PCNX3: variants seen among roughly 807,000 people sequenced by gnomAD.
The protein encoded by PCNX3 is pecanex-like protein 3.
PCNX3 carries 58 observed loss-of-function variants against 207.2 expected under a neutral mutation model. The observed-to-expected ratio is 0.28, with a 90% CI of 0.23 to 0.35. The LOEUF is 0.35. PCNX3 is among the 10% of genes least tolerant of loss of function. PCNX3 has a pLI of 1.00. For missense variants in PCNX3, 2,410 were observed against 2,774.4 expected (o/e 0.87, Z 2.95); for synonymous variants, 1,337 against 1,183.5 (o/e 1.13, Z -2.66).
chr11:65,636,776 ACCTCAGCCTCAG>A lies in PCNX3; in HGVS notation c.5924_5935del (p.Leu1975_Ser1978del), dbSNP rs142310983. On this transcript the variant is annotated inframe_deletion, in exon 35 of 35. Transcript: ENST00000355703. ...TCCCCCCTCCCCCAGGCGCCTCTAG[ACCTCAGCCTCAG>A]CCTCAGCCTCAGCCTCAGCCCCGAT... is the stretch of plus-strand genomic sequence containing the variant. 3.2e-3 allele frequency: 4,902 copies of A among 1,545,426 alleles called. 167 individuals are homozygous for A. The African/African-American group carries it at 0.059, about 19-fold the overall frequency.
chr11:65,619,447 A>G (rs1854952182), intron 6 of PCNX3, 90 bp from the exon 7 acceptor site: 1 of 1,534,214 alleles, frequency 6.5e-7, no homozygotes, highest in African/African-American at 1.4e-5. Flanking sequence ...CTAGGCCTTT[A>G]GCTCCCTGGC....
chr11:65,630,326 C>G, intron 26 of PCNX3, 25 bp from the exon 27 acceptor site: 1 of 1,609,582 alleles, frequency 6.2e-7, no homozygotes. Flanking sequence ...CTAGCAGCCC[C>G]TGACTGCACA....
At position 65,625,865 on chromosome 11, in the gene PCNX3, G is replaced by C. The variant is rs774474798; in HGVS notation, c.3229-39G>C. On this transcript the variant is annotated intron_variant, in intron 19 of 34. Coordinates refer to ENST00000355703, the MANE Select transcript of PCNX3 (RefSeq NM_032223.4). This position sits in a 1 kb window ranked among gnomAD's most constrained non-coding sequence, Gnocchi z 5.6. ...GTGGCCCTCTGTGGTCCCTTGGCCT[G>C]CTCCCATCAGCTGAGTCTCTGGCCT... 2 of 1,603,928 alleles carry C rather than the reference G, an allele frequency of 1.2e-6. No individual in the cohort carries two copies. Among genetic ancestry groups the C allele is most frequent in the African/African-American group, 1.3e-5 (1 of 74,822 alleles).
Position 65,618,220 on chromosome 11 carries a change from C to A in PCNX3, c.858C>A (p.Gly286=). The A allele has an allele frequency of 6.2e-7, 1 of 1,605,566 alleles. No individual in the cohort carries two copies. The highest frequency in any genetic ancestry group is 8.5e-7 in the Non-Finnish European group (1 of 1,175,886). Residue 286 remains glycine (G), a synonymous_variant, in exon 6 of 35, where the codon GGC becomes GGA. Coordinates refer to ENST00000355703, the MANE Select transcript of PCNX3 (RefSeq NM_032223.4). ...AGGYQPLDRR[G]SGEPTPQKAG... ...GCTATCAGCCCCTTGACCGGCGGGG[C>A]TCAGGGGAGCCCACGCCCCAGAAAG...
In PCNX3 at chr11:65,626,092, G is replaced by A. The variant is rs749929522; in HGVS notation, c.3379+38G>A. The A allele has an allele frequency of 4.5e-6, 7 of 1,561,188 alleles. 1 individual carries two copies. In the South Asian group the frequency reaches 8.2e-5, roughly 18 times the overall value. ...CCCTGATGGCCAGGCCTGGGCAGTG[G>A]CTCGGGCTGCAGCCTGGCTGGTGGG... On this transcript the variant is annotated intron_variant, in intron 20 of 34. Transcript: ENST00000355703.
intron 12 of PCNX3, 80 bp downstream of exon 12, chr11:65,623,724 G>C (rs908748786): frequency 6.4e-7 from 1 of 1,562,834 alleles, no homozygotes; most frequent in Non-Finnish European, 8.7e-7. Context: ...GTTTTAAGGA[G>C]TATAAGCTGA....
chr11:65,620,697 C>T, intron 9 of PCNX3, 134 bp from the exon 10 acceptor site: 1 of 1,261,318 alleles, frequency 7.9e-7, no homozygotes, highest in African/African-American at 1.5e-5. Flanking sequence ...CCACCTGACC[C>T]CAGCACTTGT....
At chr11:65,616,652 C>T (rs1045624422) in intron 1 of PCNX3, among the ~76,000 whole-genome samples, 172 bp from the exon 2 acceptor site, 2 of 152,218 alleles carry the variant, frequency 1.3e-5, no homozygotes, top group Non-Finnish European at 2.9e-5. Flanking sequence ...CACTTAATCT[C>T]ATCCAGCTAA....
chr11:65,630,296 C>T, intron 26 of PCNX3, 55 bp from the exon 27 acceptor site: 1 of 1,576,000 alleles, frequency 6.3e-7, no homozygotes, highest in African/African-American at 1.3e-5. Flanking sequence ...TCTCCCAGGA[C>T]AGGGCAGGTA....
intron 8 of PCNX3, 109 bp downstream of exon 8, chr11:65,620,041 T>C (rs1855001617): frequency 8.4e-7 from 1 of 1,186,404 alleles, no homozygotes; most frequent in African/African-American, 1.5e-5. Flanking sequence ...ACACTGCTAA[T>C]GCTGCCAGAC....
Position 65,634,210 on chromosome 11 carries a change from C to T in PCNX3, c.4555C>T (p.Arg1519Trp), listed in dbSNP as rs1349214341. Reference protein sequence around the residue: ...EGITAALRPVRVPGYADSDPT... With the variant: ...EGITAALRPVWVPGYADSDPT... ...CATCACGGCAGCCCTGAGGCCTGTGCGGGTGCCCGGCTATGCCGACTCGGA... is the reference window on the plus strand; with the variant it reads ...CATCACGGCAGCCCTGAGGCCTGTGTGGGTGCCCGGCTATGCCGACTCGGA... The change falls in exon 28 of 35, where the codon CGG (arginine) becomes TGG (tryptophan). Residue 1519 changes from arginine to tryptophan, a missense_variant. By Grantham distance (101) the Arg-to-Trp change is moderately radical. Transcript: ENST00000355703. 1.1e-5 allele frequency: 17 copies of T among 1,613,198 alleles called. No individual in the cohort carries two copies. In the African/African-American group the frequency reaches 1.2e-4, roughly 11 times the overall value.
At chr11:65,634,790 C>G (rs1289142326) in intron 29 of PCNX3, 149 bp downstream of exon 29, 4 of 1,194,360 alleles carry the variant, frequency 3.3e-6, no homozygotes, top group Non-Finnish European at 4.6e-6. Flanking sequence ...AGGGCACTTC[C>G]TGGTCATGAC....
In PCNX3 at chr11:65,625,030, G is replaced by A. The variant is rs755753717; in HGVS notation, c.2919+14G>A. ...GGGGCCATCAAGGTAGGGGTGGCTT[G>A]CGAGGTGGGGGCATGCTGCAGTGCG... On this transcript the variant is annotated intron_variant, in intron 16 of 34. Transcript: ENST00000355703. The surrounding 1 kb of genome is among the most constrained non-coding windows in gnomAD (Gnocchi z 5.6). The A allele has an allele frequency of 1.9e-6, 3 of 1,608,646 alleles. No individual in the cohort carries two copies. Among genetic ancestry groups the A allele is most frequent in the Middle Eastern group, 1.6e-4 (1 of 6,080 alleles).
rs972778011 is a variant in PCNX3, at chr11:65,630,023, G to T, written c.4216+288G>T. On this transcript the variant is annotated intron_variant, in intron 26 of 34. Transcript: ENST00000355703. ...AGGTCTGAGTTCTCACACCCAGCCT[G>T]CTCTGTGGTCTCAGGCTTGGCCCAT... Among the ~76,000 whole-genome samples the T allele has an allele frequency of 7.9e-5, 12 of 152,368 alleles. No individual in the cohort carries two copies. In the Middle Eastern group the frequency reaches 0.01, roughly 130 times the overall value.
intron 10 of PCNX3, 45 bp from the exon 11 acceptor site, chr11:65,622,200 C>G: frequency 6.3e-7 from 1 of 1,577,938 alleles, no homozygotes; most frequent in Non-Finnish European, 8.6e-7. Context: ...GCTGTGGGGA[C>G]TGCAGTTTGA....
At chr11:65,632,618 C>A (rs950747843) in intron 27 of PCNX3, among the ~76,000 whole-genome samples, 1 of 138,508 alleles carries the variant, frequency 7.2e-6, no homozygotes, top group Non-Finnish European at 1.5e-5. Flanking sequence ...GGTATTGCCC[C>A]CCGTCTTCAT....
intron 22 of PCNX3, 69 bp from the exon 23 acceptor site, chr11:65,628,526 G>A: frequency 6.9e-7 from 1 of 1,456,894 alleles, no homozygotes; most frequent in Non-Finnish European, 9.5e-7. Flanking sequence ...TCTGAATGGG[G>A]CCTGGCATCC....
intron 26 of PCNX3, 35 bp from the exon 27 acceptor site, chr11:65,630,316 C>A (rs765519074): frequency 6.2e-7 from 1 of 1,604,220 alleles, no homozygotes; most frequent in South Asian, 1.1e-5. Context: ...AGGGATTGTT[C>A]TAGCAGCCCC....
At chr11:65,616,690 C>T in intron 1 of PCNX3, 134 bp from the exon 2 acceptor site, 1 of 1,076,916 alleles carries the variant, frequency 9.3e-7, no homozygotes, top group South Asian at 1.6e-5. Flanking sequence ...TTGTCGAGGT[C>T]TGTGTACTGG....
Sources: gnomAD v4.1 joint callset for allele counts (sites outside exome capture counted in the v4.1 genomes callset) on GRCh38, gnomAD v4.1.1 for gene constraint, Gnocchi (gnomAD v3.1) non-coding constraint, MANE v1.5 for transcripts, NCBI Gene and HGNC (gene_info 2026-07-23, HGNC 2026-07-21) for gene names.